LSM5: variants seen among roughly 807,000 people sequenced by gnomAD.
The protein encoded by LSM5 is LSM5 homolog, U6 small nuclear RNA and mRNA degradation associated.
A neutral mutation model predicts 13.8 loss-of-function variants in LSM5; 8 were observed. The observed-to-expected ratio is 0.58, with a 90% confidence interval of 0.34 to 1.04. The LOEUF (loss-of-function observed/expected upper bound fraction) is 1.04. Ranked by LOEUF, LSM5 falls within the 50% of genes least tolerant of loss-of-function variation. LSM5 has a pLI of 0.03. For missense variants in LSM5, 80 were observed against 108.1 expected, an observed-to-expected ratio of 0.74 and a Z score of 1.15; for synonymous variants, 35 against 37.0, an observed-to-expected ratio of 0.95 and a Z score of 0.20.
chr7:32,490,488 T>G, upstream of LSM5: 1 of 763,306 alleles, frequency 1.3e-6, no homozygotes, highest in Non-Finnish European at 2.3e-6. Context: ...TCTAGTCAGC[T>G]GCGTGGGTCG....
At chr7:32,487,644 A>G (rs1786479661) in intron 4 of LSM5, 41 bp downstream of exon 4, 2 of 1,071,244 alleles carry the variant, frequency 1.9e-6, no homozygotes, top group Non-Finnish European at 2.9e-6. Context: ...CTCCCCAAAA[A>G]TGGGCTCCCA....
intron 3 of LSM5, 98 bp from the exon 4 acceptor site, chr7:32,487,855 C>A (rs1193742793): frequency 3.0e-6 from 2 of 676,912 alleles, no homozygotes; most frequent in Non-Finnish European, 5.4e-6. Flanking sequence ...TCCTTGTATA[C>A]AAATTACACT....
chr7:32,485,404 A>T lies in LSM5; in HGVS notation c.*1857T>A, dbSNP rs1285944186. 1 of 152,226 alleles carries T rather than the reference A, an allele frequency of 6.6e-6. No homozygotes were observed. The highest frequency in any genetic ancestry group is 1.5e-5 in the Non-Finnish European group (1 of 68,034). 9.4% of individuals were successfully genotyped at this position (152,226 alleles called of 1,614,324 possible). A position where few individuals can be genotyped will look rare whatever the true frequency, so the allele number is the denominator to read the frequency against. On this transcript the variant is annotated 3_prime_UTR_variant, in exon 5 of 5. Transcript: ENST00000450169. ...CACGTGGACCAAATACAAAAACCATAATGGACTAGGTCAACATGCAACTAC... is the reference window on the plus strand; with the variant it reads ...CACGTGGACCAAATACAAAAACCATTATGGACTAGGTCAACATGCAACTAC...
In LSM5 at chr7:32,490,305, A is replaced by C; in HGVS notation, c.46+15T>G. On this transcript the variant is annotated intron_variant, in intron 1 of 4. Transcript: ENST00000450169. ...GTCAGCTCCCTGTTCCTGCTCCCCA[A>C]AGGACGGCGATTACCTAAGGGCAGC... The C allele has an allele frequency of 1.9e-6, 3 of 1,614,132 alleles. No homozygotes were observed. Among genetic ancestry groups the C allele is most frequent in the Non-Finnish European group, 2.5e-6 (3 of 1,179,988 alleles).
At position 32,489,255 on chromosome 7, in the gene LSM5, A is replaced by G; in HGVS notation, c.136T>C (p.Phe46Leu). 6.4e-7 allele frequency: 1 copy of G among 1,572,184 alleles called. No homozygotes were observed. The highest frequency in any genetic ancestry group is 8.7e-7 in the Non-Finnish European group (1 of 1,144,704). The change falls in exon 2 of 5, where the codon TTT becomes CTT. Residue 46 changes from phenylalanine to leucine, a missense_variant. Physicochemically the swap from Phe to Leu is conservative, Grantham distance 22. Coordinates refer to ENST00000450169, the MANE Select transcript of LSM5 (RefSeq NM_012322.3). ...CCACCTTTTAAAAGGATACTGACAA[A>G]GTCATCAAATCCTAGAAGAGTACCA... ...IVGTLLGFDDFVNMVLEDVTE... is the reference protein window; with the variant it reads ...IVGTLLGFDDLVNMVLEDVTE...
In LSM5 at chr7:32,485,713, G is replaced by C. The variant is rs1484923245; in HGVS notation, c.*1548C>G. ...GCAGGTGGATCACTAGAGGTCAGGA[G>C]TTCAAGACCAGCCTGGCCAACAAGG... On this transcript the variant is annotated 3_prime_UTR_variant, in exon 5 of 5. Coordinates refer to ENST00000450169, the MANE Select transcript of LSM5 (RefSeq NM_012322.3). The C allele has an allele frequency of 6.6e-6, 1 of 152,184 alleles. No individual in the cohort carries two copies. The highest frequency in any genetic ancestry group is 6.5e-5 in the Admixed American group (1 of 15,278). 9.4% of individuals were successfully genotyped at this position (152,184 alleles called of 1,614,324 possible). A position where few individuals can be genotyped will look rare whatever the true frequency, so the allele number is the denominator to read the frequency against.
chr7:32,487,185 G>C lies in LSM5; in HGVS notation c.*76C>G. 1 of 1,328,644 alleles carries C rather than the reference G, an allele frequency of 7.5e-7. No individual in the cohort carries two copies. Among genetic ancestry groups the C allele is most frequent in the Non-Finnish European group, 1.1e-6 (1 of 926,880 alleles). The allele number at this position is 1,328,644 out of a possible 1,614,324, so 82.3% of individuals were successfully genotyped here. ...TTAGCTTTATGGGATTTAAACATTA[G>C]AAAGTGGGAAAAAAAATTCCATTTT... On this transcript the variant is annotated 3_prime_UTR_variant, in exon 5 of 5. Coordinates refer to ENST00000450169, the MANE Select transcript of LSM5 (RefSeq NM_012322.3).
At chr7:32,490,504 A>T (rs1179936342), upstream of LSM5, 2 of 674,390 alleles carry the variant, frequency 3.0e-6, no homozygotes, top group Non-Finnish European at 2.7e-6. Flanking sequence ...GGTCGCGTTC[A>T]CTGGCTTTTT....
upstream of LSM5, among the ~76,000 whole-genome samples, chr7:32,491,306 A>G (rs566603700): frequency 1.3e-5 from 2 of 150,810 alleles, no homozygotes; most frequent in South Asian, 2.1e-4. Context: ...CAGAGGCAGG[A>G]GAACTGCTTG....
upstream of LSM5, chr7:32,490,750 T>TA (rs1562739247): frequency 8.7e-6 from 2 of 228,680 alleles, no homozygotes; most frequent in Admixed American, 5.2e-5. Flanking sequence ...AATTAACTGT[T>TA]ACAATTTTCG....
At chr7:32,489,452 T>A in intron 1 of LSM5, 108 bp from the exon 2 acceptor site, 1 of 689,844 alleles carries the variant, frequency 1.4e-6, no homozygotes, top group Non-Finnish European at 2.6e-6. Flanking sequence ...GGAAAAACAT[T>A]CATTCAATAA....
rs377334509 is a variant in LSM5, at chr7:32,487,299, T to G, written c.244-6A>C. 21 of 1,613,160 alleles carry G rather than the reference T, an allele frequency of 1.3e-5. No individual in the cohort carries two copies. The highest frequency in any genetic ancestry group is 1.6e-5 in the Non-Finnish European group (19 of 1,179,378). On this transcript the variant is annotated splice_region_variant and splice_polypyrimidine_tract_variant and intron_variant, in intron 4 of 4. Coordinates refer to ENST00000450169, the MANE Select transcript of LSM5 (RefSeq NM_012322.3). ...CCTTCTCCTCCAGGAACCAGCTGCA[T>G]AAAGAGGAAAAAGAGTTTATTAATA...
upstream of LSM5, among the ~76,000 whole-genome samples, chr7:32,493,893 C>A (rs1786658609): frequency 6.6e-6 from 1 of 151,030 alleles, no homozygotes; most frequent in African/African-American, 2.4e-5. Context: ...CTCTTGTCCC[C>A]CAGGCTGAAG....
intron 3 of LSM5, 63 bp from the exon 4 acceptor site, chr7:32,487,820 ATACT>A (rs1356388986): frequency 1.4e-5 from 12 of 836,180 alleles, no homozygotes; most frequent in Admixed American, 9.0e-5. Context: ...CATTTTGGAA[ATACT>A]TACCCTCCCT....
chr7:32,489,492 C>T (rs557143137), intron 1 of LSM5, 148 bp from the exon 2 acceptor site: 2 of 602,390 alleles, frequency 3.3e-6, no homozygotes, highest in East Asian at 3.0e-5. Context: ...AATCTCAGTT[C>T]AAGCACAGCA....
At chr7:32,492,926 T>C (rs952155031), upstream of LSM5, among the ~76,000 whole-genome samples, 2 of 152,250 alleles carry the variant, frequency 1.3e-5, no homozygotes, top group Non-Finnish European at 2.9e-5. Context: ...AAATTAGAAA[T>C]TTTATTATTT....
Position 32,489,346 on chromosome 7 carries a change from T to C in LSM5, c.47-2A>G. The stretch of plus-strand genomic sequence containing the variant: ...ATCCTATACATTTGTCCACAAGCTC[T>C]GAGGAGGGAAAAAATATTATTTTAC... On this transcript the variant is annotated splice_acceptor_variant, in intron 1 of 4. Transcript: ENST00000450169. LOFTEE classifies it high-confidence loss of function. The C allele has an allele frequency of 1.3e-6, 2 of 1,523,966 alleles. No individual in the cohort carries two copies. Among genetic ancestry groups the C allele is most frequent in the Non-Finnish European group, 1.8e-6 (2 of 1,106,746 alleles). The allele number at this position is 1,523,966 out of a possible 1,614,324, so 94.4% of individuals were successfully genotyped here.
chr7:32,487,544 C>A, intron 4 of LSM5, 141 bp downstream of exon 4: 1 of 689,896 alleles, frequency 1.4e-6, no homozygotes, highest in Non-Finnish European at 2.6e-6. Context: ...AGGACCCTGA[C>A]CACAGAGAAC....
At chr7:32,489,962 T>A (rs1306427967) in intron 1 of LSM5, 11 of 1,145,888 alleles carry the variant, frequency 9.6e-6, no homozygotes, top group African/African-American at 3.2e-5. Flanking sequence ...ACCAACCACA[T>A]ACATAACATG....
Sources: gnomAD v4.1 joint callset for allele counts (sites outside exome capture counted in the v4.1 genomes callset) on GRCh38, gnomAD v4.1.1 for gene constraint, MANE v1.5 for transcripts, NCBI Gene and HGNC (gene_info 2026-07-23, HGNC 2026-07-21) for gene names.